The following PDE1C variants were observed in gnomAD, a reference collection of about 807,000 sequenced individuals.
PDE1C encodes dual specificity calcium/calmodulin-dependent 3',5'-cyclic nucleotide phosphodiesterase 1C.
PDE1C carries 62 observed loss-of-function variants against 93.1 expected under a neutral mutation model. The observed-to-expected ratio is 0.67, with a 90% confidence interval of 0.54 to 0.82. The LOEUF is 0.82. Among genes scored for constraint, PDE1C ranks in the 40% least tolerant of loss-of-function variants. The pLI is 0.00. For missense variants in PDE1C, 742 were observed against 884.6 expected, an observed-to-expected ratio of 0.84 and a Z score of 2.04; for synonymous variants, 325 against 310.1, an observed-to-expected ratio of 1.05 and a Z score of -0.50.
At chr7:32,147,062 G>A (rs770573705) in intron 3 of PDE1C, among the ~76,000 whole-genome samples, 8 of 151,530 alleles carry the variant, frequency 5.3e-5, no homozygotes, top group African/African-American at 1.5e-4. Flanking sequence ...AGAAGTCATC[G>A]CTAAGTAAAT....
chr7:32,022,760 C>T (rs1788857245), intron 2 of PDE1C, among the ~76,000 whole-genome samples: 1 of 151,492 alleles, frequency 6.6e-6, no homozygotes, highest in South Asian at 2.1e-4. Flanking sequence ...TGAAAAGGAC[C>T]TCCTGGGAAA....
At chr7:32,155,357 G>A (rs747324958) in intron 3 of PDE1C, among the ~76,000 whole-genome samples, 59 of 152,270 alleles carry the variant, frequency 3.9e-4, no homozygotes, top group South Asian at 6.2e-4. Context: ...AGGATTCAAC[G>A]GCTTAACACA....
At chr7:32,248,759 T>C (rs1453431111) in intron 1 of PDE1C, among the ~76,000 whole-genome samples, 1 of 152,212 alleles carries the variant, frequency 6.6e-6, no homozygotes, top group East Asian at 1.9e-4. Context: ...ATAATTCACT[T>C]CTAATCACAC....
chr7:32,022,657 A>G (rs1788844296), intron 2 of PDE1C, among the ~76,000 whole-genome samples: 1 of 152,102 alleles, frequency 6.6e-6, no homozygotes, highest in African/African-American at 2.4e-5. Context: ...TGAATAAACA[A>G]ACAAATTAAC....
At chr7:31,619,606 C>G in the PDE1C span, among the ~76,000 whole-genome samples, 2 of 151,870 alleles carry the variant, frequency 1.3e-5, no homozygotes, top group Non-Finnish European at 1.5e-5. Flanking sequence ...GTTCTTTTAA[C>G]AGTTAAAGAA....
intron 1 of PDE1C, among the ~76,000 whole-genome samples, chr7:32,223,035 T>G (rs148314257): frequency 1.3e-5 from 2 of 152,330 alleles, no homozygotes; most frequent in East Asian, 3.9e-4. Flanking sequence ...CCCCTGAAAT[T>G]GACCCAAGCA....
chr7:31,793,369 TC>T (rs1336144786), intron 16 of PDE1C, among the ~76,000 whole-genome samples: 2 of 152,030 alleles, frequency 1.3e-5, no homozygotes, highest in African/African-American at 4.8e-5. Flanking sequence ...GCATTTCTCT[TC>T]CATTTTTCTT....
At chr7:32,360,118 A>C (rs1472152453) in intron 1 of PDE1C, among the ~76,000 whole-genome samples, 1 of 152,174 alleles carries the variant, frequency 6.6e-6, no homozygotes, top group Non-Finnish European at 1.5e-5. Flanking sequence ...TTCAGTGGCC[A>C]CCACTTAGAG....
intron 15 of PDE1C, 48 bp downstream of exon 15, chr7:31,815,876 G>A: frequency 7.4e-7 from 1 of 1,360,316 alleles, no homozygotes; most frequent in Non-Finnish European, 1.1e-6. Context: ...CATTCATTAT[G>A]TCATTAATGC....
At chr7:32,039,523 G>A (rs1791550116) in intron 2 of PDE1C, among the ~76,000 whole-genome samples, 2 of 152,196 alleles carry the variant, frequency 1.3e-5, no homozygotes, top group African/African-American at 4.8e-5. Context: ...ACATACCAGA[G>A]TGCAGGACAA....
the PDE1C span, chr7:31,642,097 G>T: frequency 1.1e-6 from 1 of 892,906 alleles, no homozygotes; most frequent in Non-Finnish European, 1.7e-6. Flanking sequence ...GGTGTGTCAG[G>T]CACCTAGAGG....
At chr7:31,955,527 T>C (rs114311916) in intron 2 of PDE1C, among the ~76,000 whole-genome samples, 8,792 of 152,164 alleles carry the variant, frequency 0.058, 396 homozygotes, top group African/African-American at 0.13. Context: ...GTAGGTTCAA[T>C]AATAGGAATT....
intron 1 of PDE1C, among the ~76,000 whole-genome samples, chr7:32,255,348 G>T (rs559965398): frequency 6.6e-6 from 1 of 152,256 alleles, no homozygotes; most frequent in African/African-American, 2.4e-5. Context: ...CTGGGCTTTG[G>T]ATTTGCATAG....
intron 3 of PDE1C, among the ~76,000 whole-genome samples, chr7:32,142,444 A>C (rs1210448777): frequency 6.6e-6 from 1 of 152,116 alleles, no homozygotes. Context: ...AAATGGGACA[A>C]ACTTCTCCAG....
intron 3 of PDE1C, among the ~76,000 whole-genome samples, chr7:32,139,545 C>T (rs751967677): frequency 6.6e-6 from 1 of 152,090 alleles, no homozygotes; most frequent in Non-Finnish European, 1.5e-5. Context: ...GTTTGACGTA[C>T]TCAGATGCTC....
chr7:31,822,062 T>C (rs1165817920), intron 14 of PDE1C, among the ~76,000 whole-genome samples: 6 of 152,088 alleles, frequency 3.9e-5, no homozygotes, highest in East Asian at 1.9e-4. Context: ...TGAACTTCCA[T>C]TCTTCCTTTG....
chr7:32,381,883 C>A (rs1034381432), intron 1 of PDE1C, among the ~76,000 whole-genome samples: 2 of 152,176 alleles, frequency 1.3e-5, no homozygotes, highest in Non-Finnish European at 2.9e-5. Context: ...TGGTGTCCTG[C>A]CACATTCCCA....
chr7:31,969,079 T>A (rs1428165216), intron 2 of PDE1C, among the ~76,000 whole-genome samples: 6 of 152,156 alleles, frequency 3.9e-5, no homozygotes, highest in African/African-American at 1.4e-4. Flanking sequence ...GGGCAAGGAT[T>A]CCAGGTCTAA....
chr7:31,624,110 T>G, the PDE1C span, among the ~76,000 whole-genome samples: 32 of 150,368 alleles, frequency 2.1e-4, no homozygotes, highest in African/African-American at 7.1e-4. Context: ...CACTGCTCAA[T>G]GAAATAAAAG....
Sources: gnomAD v4.1 joint callset for allele counts (sites outside exome capture counted in the v4.1 genomes callset) on GRCh38, gnomAD v4.1.1 for gene constraint, MANE v1.5 for transcripts, NCBI Gene and HGNC (gene_info 2026-07-23, HGNC 2026-07-21) for gene names.